The following SLC14A2 variants were observed in gnomAD, a reference collection of about 807,000 sequenced individuals.
SLC14A2 encodes solute carrier family 14 member 2.
SLC14A2 carries 91 observed loss-of-function variants against 104.6 expected under a neutral mutation model. The ratio of observed to expected loss-of-function variants is 0.87; its 90% confidence interval spans 0.73 to 1.04. The LOEUF (loss-of-function observed/expected upper bound fraction) is 1.04. Among genes scored for constraint, SLC14A2 ranks in the 50% least tolerant of loss-of-function variants. SLC14A2 has a pLI of 0.00. For missense variants in SLC14A2, 1,189 were observed against 1,156.0 expected, an observed-to-expected ratio of 1.03 and a Z score of -0.41; for synonymous variants, 476 against 466.4, an observed-to-expected ratio of 1.02 and a Z score of -0.27.
intron 19 of SLC14A2, among the ~76,000 whole-genome samples, chr18:45,679,447 G>C (rs553604235): frequency 6.6e-6 from 1 of 152,326 alleles, no homozygotes; most frequent in African/African-American, 2.4e-5. Flanking sequence ...ACCCCAACCA[G>C]GCGAGACAGA....
intron 4 of SLC14A2, among the ~76,000 whole-genome samples, chr18:45,629,215 C>T (rs17669840): frequency 0.36 from 55,201 of 152,098 alleles, 10,399 homozygotes; most frequent in Middle Eastern, 0.46. Context: ...ATGAGTCAGC[C>T]TGGCCCTGGT....
chr18:45,543,106 G>T (rs1401999107), intron 2 of SLC14A2, among the ~76,000 whole-genome samples: 1 of 151,574 alleles, frequency 6.6e-6, no homozygotes, highest in South Asian at 2.1e-4. Context: ...ACACCACCAC[G>T]CCCGGCTAGT....
chr18:45,516,742 A>G (rs2043446808), intron 2 of SLC14A2, among the ~76,000 whole-genome samples: 1 of 152,216 alleles, frequency 6.6e-6, no homozygotes, highest in African/African-American at 2.4e-5. Flanking sequence ...CGTGAAAGAC[A>G]TTGTATCTGA....
chr18:45,419,773 C>A (rs1568192858), intron 1 of SLC14A2, among the ~76,000 whole-genome samples: 3 of 138,750 alleles, frequency 2.2e-5, no homozygotes, highest in South Asian at 2.4e-4. Context: ...GACTCCAACT[C>A]AAAAAAAAAA....
chr18:45,425,747 G>T (rs1188139550), intron 1 of SLC14A2, among the ~76,000 whole-genome samples: 1 of 152,160 alleles, frequency 6.6e-6, no homozygotes, highest in Non-Finnish European at 1.5e-5. Flanking sequence ...ATAGTAAGCT[G>T]TCCAGCACTT....
intron 1 of SLC14A2, among the ~76,000 whole-genome samples, chr18:45,348,617 G>C (rs1224902768): frequency 3.3e-5 from 5 of 152,176 alleles, no homozygotes; most frequent in African/African-American, 9.7e-5. Context: ...TTATTTAACA[G>C]ATGAATGTTG....
intron 8 of SLC14A2, 110 bp from the exon 9 acceptor site, chr18:45,643,022 G>A: frequency 1.1e-6 from 1 of 895,836 alleles, no homozygotes; most frequent in East Asian, 2.5e-5. Flanking sequence ...GAGGCTGCAG[G>A]AGAGAGGGTG....
At chr18:45,220,877 G>T (rs542436774) in intron 1 of SLC14A2, among the ~76,000 whole-genome samples, 18 of 152,170 alleles carry the variant, frequency 1.2e-4, no homozygotes, top group African/African-American at 3.9e-4. Flanking sequence ...CTCTCTTTTT[G>T]GTTTACAGAG....
intron 10 of SLC14A2, among the ~76,000 whole-genome samples, chr18:45,648,485 A>G (rs902560671): frequency 2.8e-4 from 43 of 152,264 alleles, no homozygotes; most frequent in Admixed American, 1.2e-3. Flanking sequence ...GATTACAGGC[A>G]TGAGCCACCA....
intron 1 of SLC14A2, among the ~76,000 whole-genome samples, chr18:45,249,128 A>G (rs2084395874): frequency 6.6e-6 from 1 of 152,234 alleles, no homozygotes; most frequent in South Asian, 2.1e-4. Context: ...GTGTGTAAGC[A>G]GCTTCACTTG....
intron 2 of SLC14A2, among the ~76,000 whole-genome samples, chr18:45,558,021 T>C (rs2044154835): frequency 6.6e-6 from 1 of 152,116 alleles, no homozygotes; most frequent in African/African-American, 2.4e-5. Flanking sequence ...TACCTGGCAT[T>C]ATTGAGGGCC....
At chr18:45,611,038 G>C (rs867038850), upstream of SLC14A2, among the ~76,000 whole-genome samples, 5 of 152,316 alleles carry the variant, frequency 3.3e-5, no homozygotes, top group South Asian at 2.1e-4. Flanking sequence ...ACACCCAGGT[G>C]CTCCACTAGG....
the SLC14A2 span, among the ~76,000 whole-genome samples, chr18:45,176,744 C>T: frequency 6.6e-6 from 1 of 152,186 alleles, no homozygotes. Context: ...GATTTGCTGG[C>T]TCATTCTCTT....
At chr18:45,350,019 G>C (rs1431702151) in intron 1 of SLC14A2, among the ~76,000 whole-genome samples, 1 of 152,136 alleles carries the variant, frequency 6.6e-6, no homozygotes, top group Non-Finnish European at 1.5e-5. Flanking sequence ...CCCAGGCTTG[G>C]CACCAAAGAG....
chr18:45,327,348 A>AT (rs2085245922), intron 1 of SLC14A2, among the ~76,000 whole-genome samples: 2 of 152,110 alleles, frequency 1.3e-5, no homozygotes, highest in Non-Finnish European at 2.9e-5. Context: ...TTACATATAA[A>AT]TTTTACCATT....
upstream of SLC14A2, among the ~76,000 whole-genome samples, chr18:45,211,333 C>A (rs944248748): frequency 1.3e-5 from 2 of 152,170 alleles, no homozygotes; most frequent in Non-Finnish European, 2.9e-5. Context: ...GCACATTATT[C>A]TTTAGCCTAT....
At chr18:45,397,017 T>C (rs747591836) in intron 1 of SLC14A2, among the ~76,000 whole-genome samples, 2 of 152,228 alleles carry the variant, frequency 1.3e-5, no homozygotes, top group Admixed American at 1.3e-4. Flanking sequence ...TATGGTGACA[T>C]AGTATTCCTT....
chr18:45,627,916 T>A (rs2045284561), intron 4 of SLC14A2, among the ~76,000 whole-genome samples: 2 of 146,396 alleles, frequency 1.4e-5, no homozygotes. Flanking sequence ...AGGCTGAGGA[T>A]CTCTTAAACC....
In SLC14A2 at chr18:45,669,433, A is replaced by G. The variant is rs961353521; in HGVS notation, c.2164A>G (p.Thr722Ala). 4.3e-6 allele frequency: 7 copies of G among 1,613,914 alleles called. No individual in the cohort carries two copies. In the African/African-American group the frequency reaches 9.3e-5, roughly 22 times the overall value. Residue 722 changes from threonine (T) to alanine (A), a missense_variant, in exon 16 of 20, where the codon ACA becomes GCA. Transcript: ENST00000255226. ...GGGCCACTACAACCTTTTCTTCCCC[A>G]CAACGCTGCTGCAGCCTGCATCCGC... ...ATGHYNLFFP[T>A]TLLQPASAMP...
Sources: allele counts gnomAD v4.1 joint callset (sites outside exome capture counted in the v4.1 genomes callset), GRCh38; gene constraint gnomAD v4.1.1; transcripts MANE v1.5; gene names NCBI Gene and HGNC (gene_info 2026-07-23, HGNC 2026-07-21).